Variants in RNF217 observed in about 807,000 individuals in gnomAD.
The protein encoded by RNF217 is E3 ubiquitin-protein ligase RNF217.
In RNF217, 31 loss-of-function variants were observed where a neutral mutation model predicts 57.8. That is an observed-to-expected ratio of 0.54 (90% CI 0.40 to 0.72). The LOEUF (loss-of-function observed/expected upper bound fraction) is 0.72. Among genes scored for constraint, RNF217 ranks in the 30% least tolerant of loss-of-function variants. The probability of loss-of-function intolerance (pLI) is 0.00; values close to 1 mark genes in which losing one functional copy is unlikely to be tolerated. For synonymous variants in RNF217, 313 were observed against 294.0 expected (o/e 1.06, Z -0.66); for missense variants, 696 against 708.3 (o/e 0.98, Z 0.20).
In RNF217 at chr6:125,084,323, CA is replaced by C. The variant is rs1582789694; in HGVS notation, c.*1390del. On this transcript the variant is annotated 3_prime_UTR_variant, in exon 6 of 6. Transcript: ENST00000521654. ...TTTTCAGGAAGTTTTTCTCAACCTA[CA>C]AAAGCTTTAAAAATAAGAAATTGAC... 6.6e-6 allele frequency: 1 copy of C among 151,620 alleles called. No homozygotes were observed. The highest frequency in any genetic ancestry group is 1.9e-4 in the East Asian group (1 of 5,176). 9.4% of individuals were successfully genotyped at this position (151,620 alleles called of 1,614,324 possible). A position where few individuals can be genotyped will look rare whatever the true frequency, so the allele number is the denominator to read the frequency against.
intron 1 of RNF217, 96 bp downstream of exon 1, chr6:124,963,522 GACCGACAC>G (rs1488986389): frequency 1.5e-6 from 2 of 1,354,330 alleles, no homozygotes; most frequent in African/African-American, 2.9e-5. Flanking sequence ...GCGAAGAGGT[GACCGACAC>G]ACTTACTGAG....
intron 1 of RNF217, chr6:124,983,229 C>T: frequency 4.2e-6 from 1 of 236,492 alleles, no homozygotes; most frequent in Non-Finnish European, 6.9e-6. Context: ...GTCTTTGGAC[C>T]ATTACCCAAA....
intron 4 of RNF217, among the ~76,000 whole-genome samples, chr6:125,080,465 T>G (rs1788532039): frequency 6.6e-6 from 1 of 152,174 alleles, no homozygotes; most frequent in African/African-American, 2.4e-5. Flanking sequence ...TTATTCTAAA[T>G]TACTGTCCTT....
Position 125,083,001 on chromosome 6 carries a change from T to C in RNF217, c.*64T>C, listed in dbSNP as rs916449451. The C allele has an allele frequency of 7.3e-6, 8 of 1,092,348 alleles. No homozygotes were observed. The highest frequency in any genetic ancestry group is 6.3e-5 in the South Asian group (4 of 63,570). 67.7% of individuals were successfully genotyped at this position (1,092,348 alleles called of 1,614,324 possible). On this transcript the variant is annotated 3_prime_UTR_variant, in exon 6 of 6. Coordinates refer to ENST00000521654, the MANE Select transcript of RNF217 (RefSeq NM_001286398.3). ...GGAGCGATACCAAAGGGTACACCCA[T>C]CTGTGAGTCACATCTTGAAAAACAC...
rs578006158 is a variant in RNF217, at chr6:125,045,569, G to A, written c.1116+125G>A. The A allele has an allele frequency of 7.9e-4, 519 of 659,896 alleles. 10 individuals are homozygous for A. Among genetic ancestry groups the A allele is most frequent in the Middle Eastern group, 5.3e-4 (2 of 3,772 alleles). The allele number at this position is 659,896 out of a possible 1,614,324, so 40.9% of individuals were successfully genotyped here. The stretch of plus-strand genomic sequence containing the variant: ...TGGAGCTGAAGGTGAGCATATATTG[G>A]CCATCATTCTGAAAGCATATGGTTT... On this transcript the variant is annotated intron_variant, in intron 2 of 5. Transcript: ENST00000521654.
chr6:125,029,168 A>G (rs1463082808), intron 1 of RNF217, among the ~76,000 whole-genome samples: 1 of 152,174 alleles, frequency 6.6e-6, no homozygotes, highest in Non-Finnish European at 1.5e-5. Flanking sequence ...ATATTCTTTC[A>G]GCATGGAAGT....
chr6:125,048,428 C>A lies in RNF217; in HGVS notation c.1116+2984C>A, dbSNP rs536801063. On this transcript the variant is annotated intron_variant, in intron 2 of 5. Transcript: ENST00000521654. ...AGAAATAGAAAAAAAAAGGTTGCTG[C>A]TAATGTCTGACGTTTCTGTGCAATT... is the stretch of plus-strand genomic sequence containing the variant. 1.1e-3 allele frequency among the ~76,000 whole-genome samples: 165 copies of A among 152,096 alleles called. 1 individual carries two copies. Among genetic ancestry groups the A allele is most frequent in the Non-Finnish European group, 1.9e-3 (126 of 67,966 alleles).
chr6:125,072,988 T>C (rs1788207718), intron 3 of RNF217, among the ~76,000 whole-genome samples: 2 of 152,220 alleles, frequency 1.3e-5, no homozygotes, highest in Non-Finnish European at 2.9e-5. Flanking sequence ...CTGTGTACAA[T>C]GCTTGGCACA....
At chr6:125,003,829 T>C (rs1461770283) in intron 1 of RNF217, among the ~76,000 whole-genome samples, 6 of 152,158 alleles carry the variant, frequency 3.9e-5, no homozygotes, top group Non-Finnish European at 4.4e-5. Flanking sequence ...GCTTCTTATA[T>C]GCTATGTCTT....
intron 1 of RNF217, among the ~76,000 whole-genome samples, chr6:125,000,529 AACT>A (rs1784935786): frequency 1.3e-5 from 2 of 152,042 alleles, no homozygotes; most frequent in South Asian, 4.1e-4. Flanking sequence ...TTTTGAAAAC[AACT>A]ACTGATTCAT....
chr6:124,996,773 A>G (rs547328852), intron 1 of RNF217: 1 of 152,338 alleles, frequency 6.6e-6, no homozygotes, highest in Admixed American at 6.5e-5. Flanking sequence ...AATACTACAA[A>G]TATTGCAGTT....
chr6:124,979,021 G>A (rs1339328486), intron 1 of RNF217, among the ~76,000 whole-genome samples: 1 of 152,130 alleles, frequency 6.6e-6, no homozygotes, highest in African/African-American at 2.4e-5. Flanking sequence ...TGGCTAACAG[G>A]TATCATCCAG....
At position 125,087,178 on chromosome 6, in the gene RNF217, A is replaced by AATG. The variant is rs765735777; in HGVS notation, c.*4243_*4245dup. ...CATCAGTCCAGCTTCTCCCTTGTTA[A>AATG]ATGAAATTGTTTTTAACATTACACT... On this transcript the variant is annotated 3_prime_UTR_variant, in exon 6 of 6. Coordinates refer to ENST00000521654, the MANE Select transcript of RNF217 (RefSeq NM_001286398.3). 6.6e-6 allele frequency: 1 copy of AATG among 152,148 alleles called. No homozygotes were observed. Among genetic ancestry groups the AATG allele is most frequent in the Non-Finnish European group, 1.5e-5 (1 of 68,004 alleles). 9.4% of individuals were successfully genotyped at this position (152,148 alleles called of 1,614,324 possible).
intron 1 of RNF217, among the ~76,000 whole-genome samples, chr6:124,990,634 A>G (rs1410775537): frequency 1.3e-5 from 2 of 152,186 alleles, no homozygotes; most frequent in East Asian, 1.9e-4. Flanking sequence ...TACCTTTAAA[A>G]TATAACCAGA....
chr6:125,074,491 T>C (rs1258801580), intron 3 of RNF217, among the ~76,000 whole-genome samples: 1 of 152,216 alleles, frequency 6.6e-6, no homozygotes. Context: ...AATTGCAGTT[T>C]TATATTTTAG....
intron 3 of RNF217, among the ~76,000 whole-genome samples, chr6:125,058,822 T>C (rs1043696656): frequency 2.0e-5 from 3 of 152,184 alleles, no homozygotes; most frequent in Non-Finnish European, 2.9e-5. Flanking sequence ...TGTTGAAGTT[T>C]GAAAGTTTTA....
At chr6:124,992,366 A>T (rs1223057823) in intron 1 of RNF217, among the ~76,000 whole-genome samples, 2 of 152,152 alleles carry the variant, frequency 1.3e-5, no homozygotes, top group African/African-American at 4.8e-5. Context: ...CCCAAATGAA[A>T]ACTTGATAAA....
chr6:124,981,968 C>T (rs1784184886), intron 1 of RNF217, among the ~76,000 whole-genome samples: 1 of 135,128 alleles, frequency 7.4e-6, no homozygotes, highest in Non-Finnish European at 1.5e-5. Context: ...GCAGAGGTTG[C>T]AATGAACCGA....
intron 1 of RNF217, among the ~76,000 whole-genome samples, chr6:125,035,285 AG>A (rs1489722696): frequency 6.6e-6 from 1 of 152,000 alleles, no homozygotes; most frequent in Non-Finnish European, 1.5e-5. Flanking sequence ...CAGTTTTCAA[AG>A]GGAATGCTTC....
Sources: gnomAD v4.1 joint callset for allele counts (sites outside exome capture counted in the v4.1 genomes callset) on GRCh38, gnomAD v4.1.1 for gene constraint, MANE v1.5 for transcripts, NCBI Gene and HGNC (gene_info 2026-07-23, HGNC 2026-07-21) for gene names.